The following ADGRL3 variants were observed in gnomAD, a reference collection of about 807,000 sequenced individuals.
ADGRL3 encodes the protein calcium-independent alpha-latrotoxin receptor 3.
In ADGRL3, 62 loss-of-function variants were observed where a neutral mutation model predicts 153.5. The observed-to-expected ratio is 0.40, with a 90% CI of 0.33 to 0.50. ADGRL3 has a LOEUF of 0.50. ADGRL3 is among the 20% of genes least tolerant of loss of function. ADGRL3 has a pLI of 0.47. For synonymous variants in ADGRL3, 710 were observed against 672.5 expected (o/e 1.06, Z -0.86); for missense variants, 1,641 against 1,859.4 (o/e 0.88, Z 2.16).
chr4:61,571,905 A>T (rs2098840604), intron 4 of ADGRL3, among the ~76,000 whole-genome samples: 1 of 152,232 alleles, frequency 6.6e-6, no homozygotes. Context: ...CATTACATTC[A>T]TATTCATCTC....
At chr4:61,931,825 AAC>A (rs2098818730) in intron 13 of ADGRL3, among the ~76,000 whole-genome samples, 1 of 152,086 alleles carries the variant, frequency 6.6e-6, no homozygotes, top group East Asian at 1.9e-4. Flanking sequence ...ACTTGTTGAA[AAC>A]TTATAACTAT....
At chr4:61,417,280 G>A (rs1490407937) in intron 2 of ADGRL3, among the ~76,000 whole-genome samples, 2 of 152,016 alleles carry the variant, frequency 1.3e-5, no homozygotes, top group Non-Finnish European at 2.9e-5. Flanking sequence ...TTGATCCCAG[G>A]AGTTCAAGAC....
At chr4:62,003,599 T>A (rs1212551331) in intron 21 of ADGRL3, among the ~76,000 whole-genome samples, 1 of 152,156 alleles carries the variant, frequency 6.6e-6, no homozygotes, top group Non-Finnish European at 1.5e-5. Context: ...GCATATAATT[T>A]GTTGCCCGTA....
intron 1 of ADGRL3, among the ~76,000 whole-genome samples, chr4:61,373,917 G>T (rs907308068): frequency 6.6e-6 from 1 of 151,970 alleles, no homozygotes; most frequent in Non-Finnish European, 1.5e-5. Flanking sequence ...TTCTTTTTAT[G>T]TCTATAACAT....
chr4:62,069,427 AT>A (rs976886281), intron 26 of ADGRL3, among the ~76,000 whole-genome samples: 25 of 152,098 alleles, frequency 1.6e-4, no homozygotes, highest in Admixed American at 7.9e-4. Flanking sequence ...GTAAATCCAA[AT>A]ACTTTTGTTT....
At chr4:61,937,400 A>ATTT (rs561189802) in intron 15 of ADGRL3, among the ~76,000 whole-genome samples, 16 of 135,802 alleles carry the variant, frequency 1.2e-4, no homozygotes, top group African/African-American at 4.3e-4. Flanking sequence ...GGTTTGGGGC[A>ATTT]TTTTTTTTTT....
At chr4:61,231,536 T>G (rs867762629) in intron 1 of ADGRL3, among the ~76,000 whole-genome samples, 1 of 152,122 alleles carries the variant, frequency 6.6e-6, no homozygotes, top group Admixed American at 6.5e-5. Context: ...TCTCCATCCT[T>G]TCTTCTTCAC....
At chr4:61,430,289 A>T (rs1380667200) in intron 2 of ADGRL3, among the ~76,000 whole-genome samples, 1 of 152,210 alleles carries the variant, frequency 6.6e-6, no homozygotes, top group Non-Finnish European at 1.5e-5. Flanking sequence ...AGTCTAGCTG[A>T]TGAGATGGCT....
At chr4:61,321,058 G>T (rs536113073) in intron 1 of ADGRL3, among the ~76,000 whole-genome samples, 3 of 152,116 alleles carry the variant, frequency 2.0e-5, no homozygotes, top group African/African-American at 7.2e-5. Context: ...CATTTATAAG[G>T]GTGATTACAT....
intron 5 of ADGRL3, among the ~76,000 whole-genome samples, chr4:61,641,820 A>T (rs7376653): frequency 0.99 from 146,825 of 148,026 alleles, 72,834 homozygotes; most frequent in Middle Eastern, 1. Flanking sequence ...GATGGCTGGG[A>T]CAAATGGTAT....
chr4:61,579,262 T>A (rs982964192), intron 4 of ADGRL3, among the ~76,000 whole-genome samples: 5 of 152,072 alleles, frequency 3.3e-5, no homozygotes, highest in Admixed American at 1.3e-4. Flanking sequence ...TTTAAAAAAT[T>A]TCTTTTGAAC....
At chr4:61,720,089 CT>C (rs11289224) in intron 6 of ADGRL3, among the ~76,000 whole-genome samples, 93,680 of 138,144 alleles carry the variant, frequency 0.68, 32,053 homozygotes, top group East Asian at 0.91. Flanking sequence ...CAGAGTGATA[CT>C]TTTTTTTTTT....
At chr4:61,443,385 T>C (rs1276299109) in intron 2 of ADGRL3, among the ~76,000 whole-genome samples, 2 of 152,144 alleles carry the variant, frequency 1.3e-5, no homozygotes, top group Non-Finnish European at 2.9e-5. Flanking sequence ...CATGTTCTTT[T>C]ATCATTAACA....
At chr4:61,847,593 TATATA>T (rs2098132107) in intron 9 of ADGRL3, among the ~76,000 whole-genome samples, 1 of 85,444 alleles carries the variant, frequency 1.2e-5, no homozygotes, top group Non-Finnish European at 2.1e-5. Flanking sequence ...TGTGTATATA[TATATA>T]ATATATAATA....
At chr4:61,341,822 G>A (rs1411411417) in intron 1 of ADGRL3, among the ~76,000 whole-genome samples, 3 of 151,976 alleles carry the variant, frequency 2.0e-5, no homozygotes, top group Non-Finnish European at 4.4e-5. Context: ...GACAGCATGG[G>A]CATACTTATT....
At chr4:61,319,535 T>A (rs966760082) in intron 1 of ADGRL3, among the ~76,000 whole-genome samples, 2 of 152,158 alleles carry the variant, frequency 1.3e-5, no homozygotes, top group African/African-American at 4.8e-5. Context: ...GTGTTGCAGT[T>A]GATGAGCAGA....
chr4:61,614,937 G>T (rs760619692), intron 5 of ADGRL3, among the ~76,000 whole-genome samples: 10 of 152,002 alleles, frequency 6.6e-5, no homozygotes, highest in Non-Finnish European at 1.5e-4. Context: ...AGCAGTGCCT[G>T]GACATAAGCA....
intron 4 of ADGRL3, among the ~76,000 whole-genome samples, chr4:61,557,921 A>G (rs1014877347): frequency 4.0e-5 from 6 of 151,728 alleles, no homozygotes; most frequent in African/African-American, 1.5e-4. Flanking sequence ...TTTACAAAAC[A>G]ACTCCATCGA....
intron 4 of ADGRL3, among the ~76,000 whole-genome samples, chr4:61,559,131 G>GACAGTTTATAGAATAAATTTAAT (rs2098783103): frequency 6.6e-6 from 1 of 152,046 alleles, no homozygotes; most frequent in Non-Finnish European, 1.5e-5. Flanking sequence ...GAAGAAATGA[G>GACAGTTTATAGAATAAATTTAAT]ACAGTTTATA....
Sources: allele counts gnomAD v4.1 joint callset (sites outside exome capture counted in the v4.1 genomes callset), GRCh38; gene constraint gnomAD v4.1.1; transcripts MANE v1.5; gene names NCBI Gene and HGNC (gene_info 2026-07-23, HGNC 2026-07-21).